PCLO: variants seen among roughly 807,000 people sequenced by gnomAD.
The protein encoded by PCLO is protein piccolo.
Under a neutral mutation model 427.5 loss-of-function variants are expected in PCLO, and 82 were observed. The ratio of observed to expected loss-of-function variants is 0.19; its 90% CI spans 0.16 to 0.23. PCLO has a LOEUF of 0.23. PCLO is among the 10% of genes least tolerant of loss of function. PCLO has a pLI of 1.00. For missense variants in PCLO, 6,239 were observed against 6,115.9 expected (o/e 1.02, Z -0.67); for synonymous variants, 2,357 against 2,155.4 (o/e 1.09, Z -2.59).
intron 20 of PCLO, among the ~76,000 whole-genome samples, chr7:82,806,777 C>T (rs1791467778): frequency 6.6e-6 from 1 of 152,168 alleles, no homozygotes; most frequent in South Asian, 2.1e-4. Flanking sequence ...TCAGTAATGC[C>T]TACCTCATAA....
intron 3 of PCLO, among the ~76,000 whole-genome samples, chr7:83,119,501 A>G (rs1282366882): frequency 6.6e-6 from 1 of 152,066 alleles, no homozygotes; most frequent in Admixed American, 6.5e-5. Context: ...GCAGTGACCA[A>G]AGACTTCAAT....
rs997863399 is a variant in PCLO at position 82,890,251 on chromosome 7, T to C, written c.13529-10789A>G. 1.1e-4 allele frequency among the ~76,000 whole-genome samples: 17 copies of C among 152,052 alleles called. 1 individual carries two copies. Among genetic ancestry groups the C allele is most frequent in the African/African-American group, 3.6e-4 (15 of 41,430 alleles). ...GTAAATACGTGTTCTCTATATTCCATTGGTAAAATTATTTGAACAAAGAGA... is the reference window on the plus strand; with the variant it reads ...GTAAATACGTGTTCTCTATATTCCACTGGTAAAATTATTTGAACAAAGAGA... On this transcript the variant is annotated intron_variant, in intron 9 of 24. Transcript: ENST00000333891.
At position 82,908,941 on chromosome 7, in the gene PCLO, C is replaced by T; in HGVS notation, c.13373G>A (p.Gly4458Asp). 1.2e-6 allele frequency: 2 copies of T among 1,612,892 alleles called. No homozygotes were observed. Among genetic ancestry groups the T allele is most frequent in the South Asian group, 1.1e-5 (1 of 91,072 alleles). ...TCTTTCCGGCAGTTTTCGGTCCAGA[C>T]CATGTCCATTTTCCAAACGAGACTC... ...PRESRLENGHGLDRKLPERLV... is the reference protein window; with the variant it reads ...PRESRLENGHDLDRKLPERLV... The change falls in exon 8 of 25, where the codon GGT becomes GAT. Residue 4458 changes from glycine (G) to aspartate (D), a missense_variant. Gly to Asp is a moderately conservative substitution (Grantham distance 94). This residue lies in a region of PCLO where 877 missense variants were observed against 925.5 expected (regional missense o/e 0.95). Coordinates refer to ENST00000333891, the MANE Select transcript of PCLO (RefSeq NM_033026.6).
At chr7:83,017,464 TAA>T (rs1363106906) in intron 3 of PCLO, among the ~76,000 whole-genome samples, 1 of 151,774 alleles carries the variant, frequency 6.6e-6, no homozygotes, top group African/African-American at 2.4e-5. Context: ...AGAACAGGAG[TAA>T]TACTCAGGAC....
intron 24 of PCLO, among the ~76,000 whole-genome samples, chr7:82,759,268 A>G (rs1790381848): frequency 6.6e-6 from 1 of 151,896 alleles, no homozygotes; most frequent in Non-Finnish European, 1.5e-5. Context: ...TTCATTTTAA[A>G]GATGAGTTGA....
At chr7:82,994,235 C>G (rs1029028187) in intron 3 of PCLO, among the ~76,000 whole-genome samples, 6 of 151,866 alleles carry the variant, frequency 4.0e-5, no homozygotes, top group Non-Finnish European at 8.8e-5. Context: ...GGCAATACAA[C>G]AGTGAACAAA....
intron 3 of PCLO, among the ~76,000 whole-genome samples, chr7:82,981,083 G>A (rs1796137272): frequency 6.6e-6 from 1 of 152,000 alleles, no homozygotes; most frequent in Non-Finnish European, 1.5e-5. Flanking sequence ...AGAACTTAAA[G>A]TATAATAAAA....
At chr7:82,979,794 T>C (rs1443410724) in intron 3 of PCLO, among the ~76,000 whole-genome samples, 1 of 152,116 alleles carries the variant, frequency 6.6e-6, no homozygotes, top group Non-Finnish European at 1.5e-5. Context: ...CTGAATAATA[T>C]GGAAAGTCAC....
At chr7:82,894,618 C>A (rs1365451668) in intron 9 of PCLO, among the ~76,000 whole-genome samples, 2 of 152,018 alleles carry the variant, frequency 1.3e-5, no homozygotes, top group African/African-American at 4.8e-5. Context: ...CACGGGAATT[C>A]AAGATGACAT....
At chr7:82,896,025 T>G (rs977197606) in intron 9 of PCLO, among the ~76,000 whole-genome samples, 1 of 151,868 alleles carries the variant, frequency 6.6e-6, no homozygotes, top group African/African-American at 2.4e-5. Flanking sequence ...ATATCCCTCA[T>G]GAATATCCAC....
intron 6 of PCLO, among the ~76,000 whole-genome samples, chr7:82,943,749 T>C (rs10246367): frequency 0.064 from 9,678 of 151,980 alleles, 1,046 homozygotes; most frequent in African/African-American, 0.22. Context: ...GTCATAAACA[T>C]GGTACTAGAG....
At chr7:82,893,355 T>C (rs532867997) in intron 9 of PCLO, among the ~76,000 whole-genome samples, 6 of 152,064 alleles carry the variant, frequency 3.9e-5, no homozygotes, top group South Asian at 2.1e-4. Flanking sequence ...TTCTCATTCA[T>C]AGGTGGGAAC....
chr7:82,796,540 C>T (rs761022190), intron 22 of PCLO, among the ~76,000 whole-genome samples: 1 of 151,886 alleles, frequency 6.6e-6, no homozygotes, highest in Non-Finnish European at 1.5e-5. Flanking sequence ...TACTTGTAAC[C>T]TCTTTCACAA....
intron 3 of PCLO, among the ~76,000 whole-genome samples, chr7:83,022,051 A>G (rs1020226004): frequency 5.9e-5 from 9 of 152,138 alleles, no homozygotes; most frequent in Non-Finnish European, 1.2e-4. Context: ...CTAACCCACA[A>G]AATGTGTTGG....
At chr7:82,958,766 G>C (rs935572814) in intron 4 of PCLO, among the ~76,000 whole-genome samples, 3 of 152,164 alleles carry the variant, frequency 2.0e-5, no homozygotes, top group African/African-American at 7.2e-5. Context: ...TTCTCATACT[G>C]AAGTGGCAAG....
intron 3 of PCLO, among the ~76,000 whole-genome samples, chr7:83,061,226 CCATT>C (rs2116315576): frequency 6.6e-6 from 1 of 152,280 alleles, no homozygotes; most frequent in African/African-American, 2.4e-5. Flanking sequence ...TCCTTTTCCC[CCATT>C]CAACTTGTTG....
intron 22 of PCLO, among the ~76,000 whole-genome samples, chr7:82,779,437 T>C (rs79785251): frequency 1.8e-3 from 272 of 152,316 alleles, no homozygotes; most frequent in Non-Finnish European, 3.5e-3. Flanking sequence ...ATTACTTTGA[T>C]TAACTTTGTC....
intron 3 of PCLO, among the ~76,000 whole-genome samples, chr7:83,119,145 G>T (rs1260600183): frequency 6.6e-6 from 1 of 152,062 alleles, no homozygotes; most frequent in Non-Finnish European, 1.5e-5. Flanking sequence ...GCCAAATAAG[G>T]AGCTCCTAAG....
At chr7:83,002,342 T>A (rs888366990) in intron 3 of PCLO, among the ~76,000 whole-genome samples, 2 of 152,016 alleles carry the variant, frequency 1.3e-5, no homozygotes, top group Middle Eastern at 3.2e-3. Context: ...GTTTTCAATG[T>A]AATAATTTTA....
Sources: gnomAD v4.1 joint callset for allele counts (sites outside exome capture counted in the v4.1 genomes callset) on GRCh38, gnomAD v4.1.1 for gene constraint, gnomAD v4.1.1 regional missense constraint, MANE v1.5 for transcripts, NCBI Gene and HGNC (gene_info 2026-07-23, HGNC 2026-07-21) for gene names.